DHX36: variants seen among roughly 807,000 people sequenced by gnomAD.
The protein encoded by DHX36 is DEAH-box helicase 36, also known as ATP-dependent DNA/RNA helicase DHX36.
DHX36 carries 50 observed loss-of-function variants against 139.0 expected under a neutral mutation model. The ratio of observed to expected loss-of-function variants is 0.36; its 90% confidence interval spans 0.29 to 0.46. DHX36 has a LOEUF of 0.46. Ranked by LOEUF, DHX36 falls within the 20% of genes least tolerant of loss-of-function variation. The probability of loss-of-function intolerance (pLI) is 1.00; values close to 1 mark genes in which losing one functional copy is unlikely to be tolerated. For synonymous variants in DHX36, 425 were observed against 401.9 expected, an observed-to-expected ratio of 1.06 and a Z score of -0.69; for missense variants, 1,024 against 1,211.3, an observed-to-expected ratio of 0.85 and a Z score of 2.29.
At chr3:154,322,416 T>C (rs1280111957) in intron 1 of DHX36, among the ~76,000 whole-genome samples, 1 of 152,240 alleles carries the variant, frequency 6.6e-6, no homozygotes, top group Non-Finnish European at 1.5e-5. Flanking sequence ...GAATGGAAGC[T>C]AGATGACTAG....
chr3:154,272,687 T>C lies in DHX36; in HGVS notation c.*3484A>G, dbSNP rs1719032724. On this transcript the variant is annotated 3_prime_UTR_variant, in exon 25 of 25. Coordinates refer to ENST00000496811, the MANE Select transcript of DHX36 (RefSeq NM_020865.3). ...TTCCAAATATTGTCCAGGGAGGATG[T>C]ATTATTTTAAAATCAGAACAAAAAT... 1 of 151,954 alleles carries C rather than the reference T, an allele frequency of 6.6e-6. No homozygotes were observed. Among genetic ancestry groups the C allele is most frequent in the Non-Finnish European group, 1.5e-5 (1 of 67,984 alleles). The allele number at this position is 151,954 out of a possible 1,614,324, so 9.4% of individuals were successfully genotyped here.
chr3:154,298,106 G>A (rs954996753), intron 12 of DHX36, among the ~76,000 whole-genome samples: 1 of 152,044 alleles, frequency 6.6e-6, no homozygotes, highest in East Asian at 1.9e-4. Flanking sequence ...GCTGGTAGTG[G>A]AAGTGTATAC....
intron 9 of DHX36, among the ~76,000 whole-genome samples, chr3:154,301,468 G>A (rs1318759027): frequency 6.6e-6 from 1 of 152,130 alleles, no homozygotes; most frequent in Non-Finnish European, 1.5e-5. Context: ...CTGACTGCAC[G>A]TAAGAATTGA....
Position 154,298,405 on chromosome 3 carries a change from T to C in DHX36, c.1549+1433A>G, listed in dbSNP as rs186464556. Among the ~76,000 whole-genome samples, 340 of 152,290 alleles carry C rather than the reference T, an allele frequency of 2.2e-3. 1 individual carries two copies. Among genetic ancestry groups the C allele is most frequent in the African/African-American group, 8.0e-3 (333 of 41,576 alleles). On this transcript the variant is annotated intron_variant, in intron 12 of 24. Transcript: ENST00000496811. ...TTTGAAAAATTCAGCTGTCTAATCATGACAAATTTTTCTATAAAGTTATCA... is the reference window on the plus strand; with the variant it reads ...TTTGAAAAATTCAGCTGTCTAATCACGACAAATTTTTCTATAAAGTTATCA...
Position 154,286,081 on chromosome 3 carries a change from A to T in DHX36, c.2032-1094T>A, listed in dbSNP as rs201100244. Among the ~76,000 whole-genome samples the T allele has an allele frequency of 2.6e-5, 4 of 151,294 alleles. No individual in the cohort carries two copies. The East Asian group carries it at 7.8e-4, about 29-fold the overall frequency. ...AATAGTCATACCATAATCTCATCAG[A>T]AGCAGAAGATATTTGATAAAACTGA... On this transcript the variant is annotated intron_variant, in intron 17 of 24. Coordinates refer to ENST00000496811, the MANE Select transcript of DHX36 (RefSeq NM_020865.3).
rs1247413425 is a variant in DHX36 at position 154,312,899 on chromosome 3, AT to A, written c.604-1226del. ...TATATATATATATATATATATATAT[AT>A]AAAATAAATAAAGAACTGTCTTTGG... On this transcript the variant is annotated intron_variant, in intron 3 of 24. Transcript: ENST00000496811. 9.0e-4 allele frequency among the ~76,000 whole-genome samples: 99 copies of A among 109,422 alleles called. 2 individuals are homozygous for A. The highest frequency in any genetic ancestry group is 4.7e-3 in the East Asian group (16 of 3,386). The allele number at this position is 109,422 out of a possible 152,430, so 71.8% of individuals were successfully genotyped here.
intron 20 of DHX36, 125 bp downstream of exon 20, chr3:154,283,063 T>C (rs568394919): frequency 3.1e-6 from 2 of 646,736 alleles, no homozygotes; most frequent in South Asian, 4.2e-5. Context: ...ACTTTGTGTA[T>C]ATATACAAAT....
Position 154,300,698 on chromosome 3 carries a change from T to C in DHX36, c.1359-2A>G. On this transcript the variant is annotated splice_acceptor_variant, in intron 10 of 24. Transcript: ENST00000496811. LOFTEE classifies it high-confidence loss of function. Reference sequence around the variant, plus strand: ...ACATCTACAGTACTTGCAGAATACCTATCAAAGTTAAACACAAAGTCATGA... The same window carrying C: ...ACATCTACAGTACTTGCAGAATACCCATCAAAGTTAAACACAAAGTCATGA... 3 of 1,599,524 alleles carry C rather than the reference T, an allele frequency of 1.9e-6. No individual in the cohort carries two copies. The highest frequency in any genetic ancestry group is 2.6e-6 in the Non-Finnish European group (3 of 1,171,584).
intron 12 of DHX36, 86 bp downstream of exon 12, chr3:154,299,752 C>A (rs1210095597): frequency 2.1e-6 from 2 of 962,776 alleles, no homozygotes; most frequent in South Asian, 1.3e-5. Flanking sequence ...AGAAGCAACA[C>A]TTCTTTGAAT....
At chr3:154,313,867 G>A (rs1712861636) in intron 3 of DHX36, among the ~76,000 whole-genome samples, 1 of 152,092 alleles carries the variant, frequency 6.6e-6, no homozygotes, top group African/African-American at 2.4e-5. Flanking sequence ...GCAACCTCAG[G>A]TAGGTCACTT....
Position 154,280,715 on chromosome 3 carries a change from G to A in DHX36, c.2477-46C>T. ...GAGGGGAAAAGAAAAGTAAAATACT[G>A]ATACAATAGACAAAAGATACTTATT... On this transcript the variant is annotated intron_variant, in intron 21 of 24. Transcript: ENST00000496811. The A allele has an allele frequency of 3.1e-6, 5 of 1,601,788 alleles. No homozygotes were observed. The South Asian group carries it at 4.4e-5, about 14-fold the overall frequency.
chr3:154,317,495 G>A (rs569597100), intron 1 of DHX36, among the ~76,000 whole-genome samples: 4 of 151,974 alleles, frequency 2.6e-5, no homozygotes, highest in East Asian at 1.9e-4. Context: ...TGGCATTCAC[G>A]GGGCCAAGGC....
rs1331669290 is a variant in DHX36 at position 154,312,900 on chromosome 3, T to TATATAAAA, written c.604-1227_604-1226insTTTTATAT. 8.9e-5 allele frequency among the ~76,000 whole-genome samples: 6 copies of TATATAAAA among 67,600 alleles called. No individual in the cohort carries two copies. The East Asian group carries it at 2.4e-3, about 27-fold the overall frequency. 44.3% of individuals were successfully genotyped at this position (67,600 alleles called of 152,430 possible). On this transcript the variant is annotated intron_variant, in intron 3 of 24. Coordinates refer to ENST00000496811, the MANE Select transcript of DHX36 (RefSeq NM_020865.3). Reference sequence around the variant, plus strand: ...ATATATATATATATATATATATATATAAAATAAATAAAGAACTGTCTTTGG... The same window carrying TATATAAAA: ...ATATATATATATATATATATATATATATATAAAAAAAATAAATAAAGAACTGTCTTTGG...
intron 4 of DHX36, among the ~76,000 whole-genome samples, chr3:154,310,812 T>A (rs1356212364): frequency 0.013 from 318 of 24,918 alleles, 36 homozygotes; most frequent in East Asian, 0.026. Context: ...AAAAAATATA[T>A]ATATATATAT....
chr3:154,302,898 T>C (rs1029729032), intron 9 of DHX36, among the ~76,000 whole-genome samples: 3 of 152,030 alleles, frequency 2.0e-5, no homozygotes, highest in African/African-American at 7.2e-5. Context: ...GCCAACACGG[T>C]GAAACTAGTT....
intron 1 of DHX36, among the ~76,000 whole-genome samples, chr3:154,323,748 T>C (rs548420990): frequency 4.6e-5 from 7 of 152,378 alleles, no homozygotes; most frequent in Admixed American, 2.0e-4. Flanking sequence ...TGCCTGCTTT[T>C]GTTCCGCGCA....
chr3:154,317,737 G>GA (rs1452668170), intron 1 of DHX36, among the ~76,000 whole-genome samples: 1 of 151,844 alleles, frequency 6.6e-6, no homozygotes, highest in Non-Finnish European at 1.5e-5. Flanking sequence ...GATTTTTGGG[G>GA]AAAAAAGAGG....
chr3:154,277,583 T>C lies in DHX36; in HGVS notation c.2688+15A>G. On this transcript the variant is annotated intron_variant, in intron 23 of 24. Coordinates refer to ENST00000496811, the MANE Select transcript of DHX36 (RefSeq NM_020865.3). ...CTGATAATCAGATCCTTAATTATTT[T>C]AAATGTTCACTTACACTGCTTGTTC... 4 of 1,588,098 alleles carry C rather than the reference T, an allele frequency of 2.5e-6. No individual in the cohort carries two copies. In the South Asian group the frequency reaches 3.5e-5, roughly 14 times the overall value.
chr3:154,294,374 C>T (rs887257194), intron 13 of DHX36, among the ~76,000 whole-genome samples: 5 of 152,142 alleles, frequency 3.3e-5, no homozygotes, highest in Admixed American at 2.6e-4. Context: ...AATCAAGTAC[C>T]ACTGGCGATA....
Sources: allele counts gnomAD v4.1 joint callset (sites outside exome capture counted in the v4.1 genomes callset), GRCh38; gene constraint gnomAD v4.1.1; transcripts MANE v1.5; gene names NCBI Gene and HGNC (gene_info 2026-07-23, HGNC 2026-07-21).